Variants in SPAG9 observed in about 807,000 individuals in gnomAD.
SPAG9 encodes the protein sperm associated antigen 9.
Under a neutral mutation model 166.5 loss-of-function variants are expected in SPAG9, and 35 were observed. The ratio of observed to expected loss-of-function variants is 0.21; its 90% CI spans 0.16 to 0.28. The LOEUF is 0.28. SPAG9 is among the 10% of genes least tolerant of loss of function. The pLI is 1.00. For missense variants in SPAG9, 1,235 were observed against 1,603.3 expected (o/e 0.77, Z 3.92); for synonymous variants, 534 against 565.5 (o/e 0.94, Z 0.79).
chr17:51,085,625 CAAAGCA>C (rs762142608), intron 1 of SPAG9, among the ~76,000 whole-genome samples: 50 of 152,092 alleles, frequency 3.3e-4, no homozygotes, highest in Non-Finnish European at 6.5e-4. Context: ...AAAAATATTT[CAAAGCA>C]AATACATACT....
At chr17:51,069,686 T>C (rs1373436875) in intron 2 of SPAG9, among the ~76,000 whole-genome samples, 3 of 152,042 alleles carry the variant, frequency 2.0e-5, no homozygotes, top group African/African-American at 7.2e-5. Context: ...TCTAGTGGAG[T>C]GCTTATTCTT....
At chr17:51,116,261 G>C (rs550907644) in intron 1 of SPAG9, among the ~76,000 whole-genome samples, 6 of 152,196 alleles carry the variant, frequency 3.9e-5, no homozygotes, top group Non-Finnish European at 7.4e-5. Context: ...GGCGAGGCTG[G>C]TCCCACACTC....
intron 2 of SPAG9, among the ~76,000 whole-genome samples, chr17:51,065,839 TC>T (rs748888282): frequency 6.6e-6 from 1 of 152,062 alleles, no homozygotes; most frequent in Non-Finnish European, 1.5e-5. Context: ...CCTTTACCCT[TC>T]CTCCAACTTA....
chr17:51,017,343 GTT>G (rs2045741991), intron 8 of SPAG9, among the ~76,000 whole-genome samples: 7 of 152,154 alleles, frequency 4.6e-5, no homozygotes, highest in Admixed American at 2.6e-4. Context: ...GGACGAACAT[GTT>G]ATTTTAGATA....
intron 21 of SPAG9, among the ~76,000 whole-genome samples, 161 bp from the exon 22 acceptor site, chr17:50,987,398 G>A (rs1247532377): frequency 6.6e-6 from 1 of 152,012 alleles, no homozygotes; most frequent in Non-Finnish European, 1.5e-5. Flanking sequence ...GGAGTACAGT[G>A]GCACAATCAG....
chr17:51,093,694 CAAAAAAAAAAAAA>C (rs57010523), intron 1 of SPAG9, among the ~76,000 whole-genome samples: 2 of 72,558 alleles, frequency 2.8e-5, no homozygotes, highest in African/African-American at 5.5e-5. Context: ...GACTCCGTCT[CAAAAAAAAAAAAA>C]AAAAAAAAGA....
At chr17:51,072,012 C>CTAAA (rs370899505) in intron 2 of SPAG9, among the ~76,000 whole-genome samples, 1 of 152,282 alleles carries the variant, frequency 6.6e-6, no homozygotes, top group African/African-American at 2.4e-5. Context: ...CTCAGTGCCC[C>CTAAA]TAAATAAATG....
rs150512948 is a variant in SPAG9, at chr17:51,104,671, C to T, written c.303+15683G>A. Among the ~76,000 whole-genome samples, 18 of 151,930 alleles carry T rather than the reference C, an allele frequency of 1.2e-4. No homozygotes were observed. In the East Asian group the frequency reaches 3.1e-3, roughly 26 times the overall value. ...TAAATAGGCCGGGTGCGGTGGCTCA[C>T]GCCTGTAATCCCAGCACTTTGGAAG... On this transcript the variant is annotated intron_variant, in intron 1 of 29. Transcript: ENST00000262013.
At chr17:50,987,443 G>C (rs1006716175) in intron 21 of SPAG9, among the ~76,000 whole-genome samples, 4 of 151,612 alleles carry the variant, frequency 2.6e-5, no homozygotes, top group Non-Finnish European at 4.4e-5. Context: ...AGGCTCAAGT[G>C]ATCTTTCCAC....
intron 1 of SPAG9, among the ~76,000 whole-genome samples, chr17:51,089,735 G>A (rs2144683461): frequency 6.9e-6 from 1 of 144,142 alleles, no homozygotes; most frequent in East Asian, 2.1e-4. Flanking sequence ...GAGTGCAGTG[G>A]CATGATCTTG....
intron 1 of SPAG9, among the ~76,000 whole-genome samples, chr17:51,095,981 A>T (rs1465468729): frequency 7.9e-6 from 1 of 126,156 alleles, no homozygotes; most frequent in Non-Finnish European, 1.7e-5. Flanking sequence ...AGTGATATAT[A>T]TATATATAGT....
intron 1 of SPAG9, among the ~76,000 whole-genome samples, chr17:51,119,427 G>C (rs1011441309): frequency 1.3e-5 from 2 of 152,110 alleles, no homozygotes; most frequent in Non-Finnish European, 2.9e-5. Context: ...CGCCAACGCA[G>C]GCTGAAAGCT....
intron 12 of SPAG9, among the ~76,000 whole-genome samples, chr17:51,003,848 T>C (rs1461761820): frequency 1.3e-5 from 2 of 152,198 alleles, no homozygotes; most frequent in Non-Finnish European, 2.9e-5. Context: ...CTAGTAGGTA[T>C]GTACTCTGGA....
At chr17:51,114,059 C>T (rs758719435) in intron 1 of SPAG9, among the ~76,000 whole-genome samples, 9 of 152,096 alleles carry the variant, frequency 5.9e-5, no homozygotes, top group Non-Finnish European at 1.2e-4. Context: ...GGTGCGGTGG[C>T]TCACGCTTGT....
In SPAG9 at chr17:51,045,674, A is replaced by G. The variant is rs144199850; in HGVS notation, c.590+1701T>C. On this transcript the variant is annotated intron_variant, in intron 4 of 29. Transcript: ENST00000262013. Reference sequence around the variant, plus strand: ...AACCATGCACAAAGCAGAAATCTGAACAAATCAGAGACTGCTAGTCTGACG... The same window carrying G: ...AACCATGCACAAAGCAGAAATCTGAGCAAATCAGAGACTGCTAGTCTGACG... Among the ~76,000 whole-genome samples, 971 of 152,308 alleles carry G rather than the reference A, an allele frequency of 6.4e-3. 13 individuals carry two copies. Among genetic ancestry groups the G allele is most frequent in the African/African-American group, 0.021 (892 of 41,582 alleles).
Position 51,006,237 on chromosome 17 carries a change from T to C in SPAG9, c.1272A>G (p.Lys424=). The C allele has an allele frequency of 6.2e-7, 1 of 1,613,356 alleles. No homozygotes were observed. The highest frequency in any genetic ancestry group is 8.5e-7 in the Non-Finnish European group (1 of 1,179,644). The change falls in exon 11 of 30, where the codon AAA becomes AAG. Residue 424 remains lysine, a splice_region_variant and synonymous_variant. Coordinates refer to ENST00000262013, the MANE Select transcript of SPAG9 (RefSeq NM_001130528.3). ...CATTCTTCACTATGTTCAAAGCATTTCTAAGAAACACATATTTCAAGTGCA... is the reference window on the plus strand; with the variant it reads ...CATTCTTCACTATGTTCAAAGCATTCCTAAGAAACACATATTTCAAGTGCA... ...ILENTQLLET[K]NALNIVKNDL... is the part of the protein sequence containing the mutation.
intron 20 of SPAG9, 159 bp from the exon 21 acceptor site, chr17:50,990,031 A>AT (rs754240485): frequency 0.049 from 28,078 of 576,140 alleles, 5 homozygotes; most frequent in East Asian, 0.067. Flanking sequence ...TCATTACAGC[A>AT]TTTTTTTTTT....
chr17:50,975,148 G>C (rs1338732283), intron 27 of SPAG9: 1 of 502,696 alleles, frequency 2.0e-6, no homozygotes, highest in African/African-American at 2.0e-5. Flanking sequence ...TCAGTAAATG[G>C]AGTAGGGGAT....
intron 11 of SPAG9, among the ~76,000 whole-genome samples, chr17:51,005,616 C>T (rs374533364): frequency 9.5e-4 from 145 of 152,272 alleles, no homozygotes; most frequent in Middle Eastern, 3.4e-3. Flanking sequence ...TTTGGGAGGC[C>T]GAGGCAGGTG....
Sources: allele counts gnomAD v4.1 joint callset (sites outside exome capture counted in the v4.1 genomes callset), GRCh38; gene constraint gnomAD v4.1.1; transcripts MANE v1.5; gene names NCBI Gene and HGNC (gene_info 2026-07-23, HGNC 2026-07-21).